Variants in DIP2B observed in about 807,000 individuals in gnomAD.
DIP2B encodes DIP2 acetate--CoA ligase B (putative), also known as disco-interacting protein 2 homolog B.
In DIP2B, 76 loss-of-function variants were observed where a neutral mutation model predicts 198.0. That is an observed-to-expected ratio of 0.38 (90% confidence interval 0.32 to 0.46). The LOEUF (loss-of-function observed/expected upper bound fraction) is 0.46, where lower values mean the gene tolerates loss of function less well. DIP2B is among the 20% of genes least tolerant of loss of function. The pLI is 0.99. For synonymous variants in DIP2B, 701 were observed against 739.1 expected (o/e 0.95, Z 0.84); for missense variants, 1,559 against 1,978.4 (o/e 0.79, Z 4.02).
At chr12:50,697,234 G>T (rs1394223539) in intron 17 of DIP2B, 59 bp downstream of exon 17, 1 of 1,480,998 alleles carries the variant, frequency 6.8e-7, no homozygotes, top group Non-Finnish European at 9.3e-7. Context: ...GAAATGTGCA[G>T]TATTTACCAG....
rs530078988 is a variant in DIP2B at position 50,525,307 on chromosome 12, G to A, written c.100+20067G>A. Among the ~76,000 whole-genome samples, 407 of 146,984 alleles carry A rather than the reference G, an allele frequency of 2.8e-3. 2 individuals are homozygous for A. The highest frequency in any genetic ancestry group is 9.4e-3 in the African/African-American group (372 of 39,700). The stretch of plus-strand genomic sequence containing the variant: ...CGGGAGGCGGAGCTTGCAGTGAGCC[G>A]AAAGCGGGCCACTGCACTCCAGCCT... On this transcript the variant is annotated intron_variant, in intron 1 of 37. Coordinates refer to ENST00000301180, the MANE Select transcript of DIP2B (RefSeq NM_173602.3).
intron 1 of DIP2B, among the ~76,000 whole-genome samples, chr12:50,599,661 A>G (rs1014768497): frequency 3.9e-5 from 6 of 152,166 alleles, no homozygotes; most frequent in African/African-American, 4.8e-5. Flanking sequence ...GAACACTGCA[A>G]TTGTTTCCCC....
At chr12:50,512,065 T>G (rs1958022513) in intron 1 of DIP2B, among the ~76,000 whole-genome samples, 1 of 150,500 alleles carries the variant, frequency 6.6e-6, no homozygotes. Context: ...AGATTATAGG[T>G]ATGAGCCAGC....
At chr12:50,653,873 A>ATT (rs199966792) in intron 3 of DIP2B, among the ~76,000 whole-genome samples, 1 of 150,036 alleles carries the variant, frequency 6.7e-6, no homozygotes. Flanking sequence ...TCCTTTTGCT[A>ATT]TTTTTTTTGT....
intron 16 of DIP2B, 129 bp downstream of exon 16, chr12:50,696,096 TTG>T: frequency 7.1e-7 from 1 of 1,401,936 alleles, no homozygotes; most frequent in Non-Finnish European, 9.6e-7. Flanking sequence ...TTCAGTGGTT[TTG>T]GTATATTCAC....
intron 1 of DIP2B, among the ~76,000 whole-genome samples, chr12:50,580,115 G>A (rs1166407075): frequency 6.7e-6 from 1 of 148,782 alleles, no homozygotes; most frequent in Non-Finnish European, 1.5e-5. Flanking sequence ...ATATCACGTG[G>A]ACTTGAATCC....
At position 50,737,978 on chromosome 12, in the gene DIP2B, C is replaced by T. The variant is rs1166665826; in HGVS notation, c.4176+868C>T. The stretch of plus-strand genomic sequence containing the variant: ...CAGGAGCCAGATGACCTCGGCTCTG[C>T]CACTTACAAGCTTCTCAGTATTGGA... On this transcript the variant is annotated intron_variant, in intron 35 of 37. Transcript: ENST00000301180. Among the ~76,000 whole-genome samples, 3 of 152,208 alleles carry T rather than the reference C, an allele frequency of 2.0e-5. No individual in the cohort carries two copies. In the East Asian group the frequency reaches 5.8e-4, roughly 29 times the overall value.
chr12:50,626,617 T>C (rs1412109659), intron 2 of DIP2B, among the ~76,000 whole-genome samples: 1 of 152,190 alleles, frequency 6.6e-6, no homozygotes, highest in Non-Finnish European at 1.5e-5. Context: ...TAAATAATCA[T>C]CATATTTTTA....
intron 1 of DIP2B, among the ~76,000 whole-genome samples, chr12:50,521,158 G>T (rs1249584428): frequency 1.4e-5 from 2 of 139,164 alleles, no homozygotes; most frequent in East Asian, 4.3e-4. Flanking sequence ...CCAGGCTGGA[G>T]TACAGTGGCG....
At chr12:50,614,479 A>G (rs1937658296) in intron 1 of DIP2B, among the ~76,000 whole-genome samples, 1 of 152,140 alleles carries the variant, frequency 6.6e-6, no homozygotes, top group Non-Finnish European at 1.5e-5. Flanking sequence ...AAATCTATAT[A>G]TCCATTCTAG....
In DIP2B at chr12:50,595,874, C is replaced by G. The variant is rs569840973; in HGVS notation, c.101-30102C>G. Among the ~76,000 whole-genome samples the G allele has an allele frequency of 2.0e-5, 3 of 152,158 alleles. No homozygotes were observed. In the East Asian group the frequency reaches 5.8e-4, roughly 29 times the overall value. On this transcript the variant is annotated intron_variant, in intron 1 of 37. Coordinates refer to ENST00000301180, the MANE Select transcript of DIP2B (RefSeq NM_173602.3). ...CCTCCTGGGAATATATTGAAGTGCTCCCACCGTCTCCTCCTCCACTCTCAG... is the reference window on the plus strand; with the variant it reads ...CCTCCTGGGAATATATTGAAGTGCTGCCACCGTCTCCTCCTCCACTCTCAG...
At chr12:50,642,210 C>G (rs984908654) in intron 3 of DIP2B, among the ~76,000 whole-genome samples, 3 of 152,056 alleles carry the variant, frequency 2.0e-5, no homozygotes, top group African/African-American at 7.2e-5. Flanking sequence ...CAAAGACATC[C>G]AAGCTGAGTC....
chr12:50,623,883 T>C (rs1364683284), intron 1 of DIP2B, among the ~76,000 whole-genome samples: 2 of 152,122 alleles, frequency 1.3e-5, no homozygotes, highest in East Asian at 3.9e-4. Context: ...GTAGCACCTC[T>C]TCTTCCATGG....
intron 1 of DIP2B, among the ~76,000 whole-genome samples, chr12:50,565,251 C>T (rs1431365037): frequency 6.6e-6 from 1 of 152,010 alleles, no homozygotes; most frequent in Non-Finnish European, 1.5e-5. Context: ...CCTGCCTCAG[C>T]CTCCCAAAGT....
chr12:50,595,195 C>T (rs376251666), intron 1 of DIP2B, among the ~76,000 whole-genome samples: 11 of 152,204 alleles, frequency 7.2e-5, no homozygotes, highest in East Asian at 3.8e-4. Flanking sequence ...TCTGGTGATG[C>T]GTGTTTGCAA....
rs367606246 is a variant in DIP2B at position 50,591,124 on chromosome 12, CTG to C, written c.101-34849_101-34848del. Among the ~76,000 whole-genome samples, 370 of 152,318 alleles carry C rather than the reference CTG, an allele frequency of 2.4e-3. 1 individual carries two copies. Among genetic ancestry groups the C allele is most frequent in the African/African-American group, 8.5e-3 (355 of 41,572 alleles). ...CTGTTGGACTTCTCAGCCTCCATAA[CTG>C]TGAATAATAAATTTCTGTTCTTTAT... On this transcript the variant is annotated intron_variant, in intron 1 of 37. Coordinates refer to ENST00000301180, the MANE Select transcript of DIP2B (RefSeq NM_173602.3).
intron 1 of DIP2B, among the ~76,000 whole-genome samples, chr12:50,567,339 A>ATG (rs1491444618): frequency 2.0e-5 from 3 of 152,070 alleles, no homozygotes; most frequent in African/African-American, 4.8e-5. Context: ...GTATACCTGC[A>ATG]TGTGTGTGTG....
chr12:50,598,197 A>G (rs1006825984), intron 1 of DIP2B, among the ~76,000 whole-genome samples: 1 of 152,206 alleles, frequency 6.6e-6, no homozygotes, highest in Non-Finnish European at 1.5e-5. Context: ...AATCCTGATC[A>G]TTTATAAAAA....
intron 4 of DIP2B, among the ~76,000 whole-genome samples, chr12:50,669,505 C>T (rs1938812663): frequency 6.6e-6 from 1 of 152,178 alleles, no homozygotes; most frequent in Non-Finnish European, 1.5e-5. Context: ...TCACTGCAAC[C>T]TCCGCCTCCC....
Sources: allele counts gnomAD v4.1 joint callset (sites outside exome capture counted in the v4.1 genomes callset), GRCh38; gene constraint gnomAD v4.1.1; transcripts MANE v1.5; gene names NCBI Gene and HGNC (gene_info 2026-07-23, HGNC 2026-07-21).